ARRB1: variants seen among roughly 807,000 people sequenced by gnomAD.
ARRB1 encodes arrestin beta 1.
A neutral mutation model predicts 56.8 loss-of-function variants in ARRB1; 21 were observed. That is an observed-to-expected ratio of 0.37 (90% CI 0.26 to 0.53). The LOEUF (loss-of-function observed/expected upper bound fraction) is 0.53, where lower values mean the gene tolerates loss of function less well. ARRB1 is among the 20% of genes least tolerant of loss of function. ARRB1 has a pLI of 0.88. For synonymous variants in ARRB1, 210 were observed against 218.6 expected, an observed-to-expected ratio of 0.96 and a Z score of 0.35; for missense variants, 424 against 553.7, an observed-to-expected ratio of 0.77 and a Z score of 2.35.
chr11:75,329,248 G>A (rs900780811), intron 1 of ARRB1, among the ~76,000 whole-genome samples: 14 of 151,884 alleles, frequency 9.2e-5, no homozygotes, highest in South Asian at 2.1e-4. Context: ...CTATAGGCAC[G>A]CACCACCATG....
chr11:75,261,803 A>C lies in ARRB1; in HGVS notation c.*4360T>G, dbSNP rs546857383. 5 of 152,382 alleles carry C rather than the reference A, an allele frequency of 3.3e-5. No individual in the cohort carries two copies. The South Asian group carries it at 1.0e-3, about 32-fold the overall frequency. 9.4% of individuals were successfully genotyped at this position (152,382 alleles called of 1,614,324 possible). ...CAGGAGGAAACACCAAGCCCAGTGCAGGCCGTATAGATGAGGGTTCAGGAG... is the reference window on the plus strand; with the variant it reads ...CAGGAGGAAACACCAAGCCCAGTGCCGGCCGTATAGATGAGGGTTCAGGAG... On this transcript the variant is annotated 3_prime_UTR_variant, in exon 16 of 16. Transcript: ENST00000420843.
chr11:75,332,623 G>A (rs913404335), intron 1 of ARRB1, among the ~76,000 whole-genome samples: 3 of 152,158 alleles, frequency 2.0e-5, no homozygotes, highest in South Asian at 2.1e-4. Context: ...CTGGCCAGGC[G>A]CGGTGGCTCA....
chr11:75,266,109 C>T lies in ARRB1; in HGVS notation c.*54G>A, dbSNP rs1945900854. On this transcript the variant is annotated 3_prime_UTR_variant, in exon 16 of 16. Transcript: ENST00000420843. Reference sequence around the variant, plus strand: ...CCAGAACAGGAAGAAGACGAGTAAGCATCCGAGTGCACGAGAGTGGAGCCG... The same window carrying T: ...CCAGAACAGGAAGAAGACGAGTAAGTATCCGAGTGCACGAGAGTGGAGCCG... The T allele has an allele frequency of 1.4e-6, 2 of 1,385,128 alleles. No individual in the cohort carries two copies. The highest frequency in any genetic ancestry group is 4.6e-5 in the East Asian group (2 of 43,834). The allele number at this position is 1,385,128 out of a possible 1,614,324, so 85.8% of individuals were successfully genotyped here.
chr11:75,278,356 C>T (rs1296587288), intron 8 of ARRB1, among the ~76,000 whole-genome samples: 1 of 152,214 alleles, frequency 6.6e-6, no homozygotes, highest in African/African-American at 2.4e-5. Context: ...CCAGGACCTT[C>T]AGGAAGGTCT....
intron 1 of ARRB1, among the ~76,000 whole-genome samples, chr11:75,299,471 G>A (rs552594531): frequency 7.0e-4 from 107 of 151,886 alleles, no homozygotes; most frequent in Non-Finnish European, 1.3e-3. Context: ...AGTAAGTGAA[G>A]TAGGGAAAAT....
At chr11:75,335,773 A>T (rs1947592843) in intron 1 of ARRB1, among the ~76,000 whole-genome samples, 1 of 151,796 alleles carries the variant, frequency 6.6e-6, no homozygotes. Flanking sequence ...CCTATTAAGA[A>T]CCCCATCCTC....
intron 14 of ARRB1, among the ~76,000 whole-genome samples, chr11:75,268,011 G>A (rs1471310287): frequency 6.6e-6 from 1 of 152,178 alleles, no homozygotes; most frequent in Non-Finnish European, 1.5e-5. Context: ...TTGCATGCAT[G>A]CCATTCACCA....
At chr11:75,285,245 G>A (rs34825019) in intron 3 of ARRB1, among the ~76,000 whole-genome samples, 2,166 of 152,298 alleles carry the variant, frequency 0.014, 47 homozygotes, top group African/African-American at 0.049. Flanking sequence ...TGTGTACAGC[G>A]CTTAGACAGT....
At chr11:75,274,709 ATGAACC>A (rs1946154875) in intron 10 of ARRB1, 1 of 153,370 alleles carries the variant, frequency 6.5e-6, no homozygotes, top group Admixed American at 6.4e-5. Flanking sequence ...GGAGAATGGC[ATGAACC>A]TGGGAGGTGG....
chr11:75,317,247 A>C (rs562288359), intron 1 of ARRB1, among the ~76,000 whole-genome samples: 1 of 152,168 alleles, frequency 6.6e-6, no homozygotes, highest in South Asian at 2.1e-4. Context: ...TTTTGAAGGA[A>C]AGGAACCCAG....
At chr11:75,324,037 C>A (rs752280153) in intron 1 of ARRB1, among the ~76,000 whole-genome samples, 17 of 152,110 alleles carry the variant, frequency 1.1e-4, no homozygotes, top group Admixed American at 2.6e-4. Flanking sequence ...CAAACACATG[C>A]ATGCACACAC....
chr11:75,349,287 G>A (rs1396534587), intron 1 of ARRB1, among the ~76,000 whole-genome samples: 3 of 152,350 alleles, frequency 2.0e-5, no homozygotes, highest in Non-Finnish European at 4.4e-5. Flanking sequence ...AGTGAAGTCA[G>A]TAAGTACAAG....
intron 1 of ARRB1, among the ~76,000 whole-genome samples, chr11:75,315,291 G>A (rs1947247324): frequency 6.6e-6 from 1 of 152,006 alleles, no homozygotes. Context: ...CCTCGCTATG[G>A]GACAGCCAGA....
intron 1 of ARRB1, among the ~76,000 whole-genome samples, chr11:75,306,311 C>T (rs967440162): frequency 3.3e-5 from 5 of 152,152 alleles, no homozygotes; most frequent in African/African-American, 9.7e-5. Flanking sequence ...CTCTCTGACC[C>T]CCACCCATCA....
intron 1 of ARRB1, among the ~76,000 whole-genome samples, chr11:75,300,845 G>A (rs1437274665): frequency 4.0e-5 from 6 of 150,974 alleles, no homozygotes; most frequent in Non-Finnish European, 7.4e-5. Context: ...GCGGGCGCCT[G>A]TAGTCCCAGC....
At chr11:75,271,305 A>G (rs1946070277) in intron 13 of ARRB1, 1 of 169,294 alleles carries the variant, frequency 5.9e-6, no homozygotes, top group Non-Finnish European at 1.3e-5. Flanking sequence ...TGTTTACAAA[A>G]TAGGATCTCC....
chr11:75,350,081 T>C (rs577243267), intron 1 of ARRB1, among the ~76,000 whole-genome samples: 1 of 152,344 alleles, frequency 6.6e-6, no homozygotes, highest in South Asian at 2.1e-4. Flanking sequence ...TGGAAAGTAG[T>C]TTCTAAACAT....
chr11:75,290,133 G>A (rs1946572742), intron 1 of ARRB1, 94 bp from the exon 2 acceptor site: 3 of 1,500,264 alleles, frequency 2.0e-6, no homozygotes, highest in Non-Finnish European at 9.2e-7. Flanking sequence ...GGGGACCAGG[G>A]CTGGAGTGAC....
At chr11:75,277,522 C>A (rs1743174427) in intron 8 of ARRB1, 74 bp from the exon 9 acceptor site, 1 of 1,364,560 alleles carries the variant, frequency 7.3e-7, no homozygotes, top group Non-Finnish European at 1.0e-6. Flanking sequence ...GGAGAAAAGC[C>A]CCCACGCGAT....
Sources: gnomAD v4.1 joint callset for allele counts (sites outside exome capture counted in the v4.1 genomes callset) on GRCh38, gnomAD v4.1.1 for gene constraint, MANE v1.5 for transcripts, NCBI Gene and HGNC (gene_info 2026-07-23, HGNC 2026-07-21) for gene names.